Variants in RNF212 observed in about 807,000 individuals in gnomAD.
RNF212 encodes the protein probable E3 SUMO-protein ligase RNF212.
In RNF212, 33 loss-of-function variants were observed where a neutral mutation model predicts 34.7. The ratio of observed to expected loss-of-function variants is 0.95; its 90% CI spans 0.72 to 1.27. RNF212 has a LOEUF of 1.27. Among genes scored for constraint, RNF212 ranks in the 50% most tolerant of loss-of-function variants. RNF212 has a pLI of 0.00. For missense variants in RNF212, 377 were observed against 362.2 expected (o/e 1.04, Z -0.33); for synonymous variants, 140 against 136.1 (o/e 1.03, Z -0.20).
intron 1 of RNF212, among the ~76,000 whole-genome samples, chr4:1,112,676 C>T (rs1377954288): frequency 1.3e-5 from 2 of 149,466 alleles, no homozygotes. Context: ...ACTCGTGGCC[C>T]GACCCCTGTG....
At chr4:1,060,148 A>G (rs1311109593) in intron 3 of RNF212, among the ~76,000 whole-genome samples, 1 of 151,422 alleles carries the variant, frequency 6.6e-6, no homozygotes, top group Non-Finnish European at 1.5e-5. Context: ...ACTCAATGGA[A>G]ATTTTTCAAG....
rs575762245 is a variant in RNF212, at chr4:1,093,594, T to C, written c.247-2756A>G. ...AGGCACGAGAGGCAGAGCAGACAGG[T>C]GGCTGGAGGGGCTGGCCGGGTCTGC... On this transcript the variant is annotated intron_variant, in intron 3 of 9. Transcript: ENST00000433731. The C allele has an allele frequency of 1.2e-5, 18 of 1,534,142 alleles. No individual in the cohort carries two copies. The Admixed American group carries it at 3.3e-4, about 28-fold the overall frequency.
intron 1 of RNF212, among the ~76,000 whole-genome samples, chr4:1,108,914 T>G (rs1470316240): frequency 6.6e-6 from 1 of 152,138 alleles, no homozygotes; most frequent in African/African-American, 2.4e-5. Context: ...TTGCCCACAC[T>G]GGGCTCGAAC....
chr4:1,080,001 TCTC>T (rs1322767563), intron 7 of RNF212, among the ~76,000 whole-genome samples: 1 of 152,118 alleles, frequency 6.6e-6, no homozygotes, highest in African/African-American at 2.4e-5. Flanking sequence ...GACAACCCCT[TCTC>T]TTCTCTCTGC....
chr4:1,086,592 G>A (rs1401101358), intron 4 of RNF212, among the ~76,000 whole-genome samples: 5 of 46,748 alleles, frequency 1.1e-4, no homozygotes, highest in Non-Finnish European at 1.7e-4. Flanking sequence ...GATGGCATGA[G>A]GGTGGCAGGA....
At chr4:1,073,903 G>T in intron 8 of RNF212, 1 of 523,784 alleles carries the variant, frequency 1.9e-6, no homozygotes, top group Middle Eastern at 3.1e-4. Context: ...GTTCCACCAG[G>T]GCCTAAAACA....
chr4:1,094,039 G>T (rs1315006213), intron 3 of RNF212: 1 of 1,404,672 alleles, frequency 7.1e-7, no homozygotes, highest in East Asian at 2.5e-5. Context: ...GGCTGTTTCA[G>T]AAGCAAGGAA....
At chr4:1,069,210 C>CAAA (rs33961572), downstream of RNF212, among the ~76,000 whole-genome samples, 247 of 149,380 alleles carry the variant, frequency 1.7e-3, 8 homozygotes, top group South Asian at 0.044. Flanking sequence ...GATTGTGTCT[C>CAAA]AAAAAAAAAA....
Position 1,073,643 on chromosome 4 carries a change from G to C in RNF212, c.530C>G (p.Pro177Arg). 6.2e-7 allele frequency: 1 copy of C among 1,612,232 alleles called. No homozygotes were observed. Among genetic ancestry groups the C allele is most frequent in the South Asian group, 1.1e-5 (1 of 90,994 alleles). The change falls in exon 9 of 10, where the codon CCT (proline) becomes CGT (arginine). Residue 177 changes from proline (P) to arginine (R), a missense_variant. By Grantham distance (103) the Pro-to-Arg change is moderately radical. Transcript: ENST00000433731. ...TGGACTAATCATGGAGATTCTCGCA[G>C]GGCCGGCTGCTATCTCAGACTAAGA... ...PIRKSEIAAG[P>R]ARISMISPPQ... is the part of the protein sequence containing the mutation.
chr4:1,100,044 T>C, intron 2 of RNF212: 1 of 375,276 alleles, frequency 2.7e-6, no homozygotes, highest in Middle Eastern at 9.4e-4. Context: ...ACACACAGAT[T>C]GTACTGGCTA....
At chr4:1,064,851 G>A (rs1035064568) in intron 3 of RNF212, among the ~76,000 whole-genome samples, 10 of 152,100 alleles carry the variant, frequency 6.6e-5, no homozygotes, top group African/African-American at 1.9e-4. Flanking sequence ...CCTACTTTCC[G>A]TCTCTACGAT....
intron 2 of RNF212, among the ~76,000 whole-genome samples, chr4:1,105,941 A>C (rs1724747634): frequency 6.6e-6 from 1 of 152,234 alleles, no homozygotes; most frequent in Non-Finnish European, 1.5e-5. Flanking sequence ...CTGCAGGCCA[A>C]GCTGGCTGCC....
At chr4:1,077,228 TCAAACAAA>T (rs557452872) in intron 8 of RNF212, among the ~76,000 whole-genome samples, 62 of 152,248 alleles carry the variant, frequency 4.1e-4, no homozygotes, top group Non-Finnish European at 7.5e-4. Context: ...AGACTCTGTC[TCAAACAAA>T]CAAACAAACA....
intron 2 of RNF212, among the ~76,000 whole-genome samples, chr4:1,105,948 T>C (rs1458170199): frequency 1.3e-5 from 2 of 152,234 alleles, no homozygotes; most frequent in African/African-American, 4.8e-5. Flanking sequence ...CCAAGCTGGC[T>C]GCCTGGGGAC....
At chr4:1,078,318 C>T (rs573194444) in intron 8 of RNF212, among the ~76,000 whole-genome samples, 1 of 152,330 alleles carries the variant, frequency 6.6e-6, no homozygotes, top group South Asian at 2.1e-4. Flanking sequence ...CTGATCCCTC[C>T]TATGGGGTGC....
At chr4:1,090,554 C>T (rs1237268856) in intron 4 of RNF212, among the ~76,000 whole-genome samples, 2 of 152,184 alleles carry the variant, frequency 1.3e-5, no homozygotes, top group Non-Finnish European at 2.9e-5. Context: ...CAGGGAGGCC[C>T]ATGCGGTGCT....
chr4:1,088,839 A>G (rs1430450530), intron 4 of RNF212, among the ~76,000 whole-genome samples: 1 of 152,218 alleles, frequency 6.6e-6, no homozygotes, highest in Non-Finnish European at 1.5e-5. Flanking sequence ...AACCCCAAGC[A>G]TTGGCGGCTT....
chr4:1,075,285 T>G (rs973716038), intron 8 of RNF212, among the ~76,000 whole-genome samples: 4 of 152,190 alleles, frequency 2.6e-5, no homozygotes, highest in Non-Finnish European at 5.9e-5. Context: ...AGGCCATTCT[T>G]GCACTGCGAT....
chr4:1,074,336 G>A lies in RNF212; in HGVS notation c.511-674C>T, dbSNP rs1231709368. ...CTCCTCTGGCTCTCCACTCACTGCTGGCATCTCCTGTTCCCAGGCTCCTTG... is the reference window on the plus strand; with the variant it reads ...CTCCTCTGGCTCTCCACTCACTGCTAGCATCTCCTGTTCCCAGGCTCCTTG... On this transcript the variant is annotated intron_variant, in intron 8 of 9. Coordinates refer to ENST00000433731, the MANE Select transcript of RNF212 (RefSeq NM_001131034.4). Among the ~76,000 whole-genome samples the A allele has an allele frequency of 3.3e-5, 5 of 152,254 alleles. No individual in the cohort carries two copies. The East Asian group carries it at 9.7e-4, about 29-fold the overall frequency.
Sources: gnomAD v4.1 joint callset for allele counts (sites outside exome capture counted in the v4.1 genomes callset) on GRCh38, gnomAD v4.1.1 for gene constraint, MANE v1.5 for transcripts, NCBI Gene and HGNC (gene_info 2026-07-23, HGNC 2026-07-21) for gene names.